ATF2: variants seen among roughly 807,000 people sequenced by gnomAD.
The protein encoded by ATF2 is activating transcription factor 2.
In ATF2, 24 loss-of-function variants were observed where a neutral mutation model predicts 60.6. That is an observed-to-expected ratio of 0.40 (90% confidence interval 0.29 to 0.56). The LOEUF is 0.56. Ranked by LOEUF, ATF2 falls within the 20% of genes least tolerant of loss-of-function variation. The pLI is 0.54. For synonymous variants in ATF2, 206 were observed against 215.4 expected, an observed-to-expected ratio of 0.96 and a Z score of 0.38; for missense variants, 433 against 607.7, an observed-to-expected ratio of 0.71 and a Z score of 3.02.
intron 10 of ATF2, among the ~76,000 whole-genome samples, chr2:175,106,999 C>G (rs763591076): frequency 1.3e-5 from 2 of 151,958 alleles, no homozygotes; most frequent in Non-Finnish European, 2.9e-5. Context: ...CAAAAAAATA[C>G]AAGTAGTCCC....
intron 4 of ATF2, among the ~76,000 whole-genome samples, chr2:175,128,676 AAG>A (rs1697519415): frequency 6.6e-6 from 1 of 152,112 alleles, no homozygotes; most frequent in Non-Finnish European, 1.5e-5. Flanking sequence ...CAACAACCAT[AAG>A]AGGAAAAAAA....
At chr2:175,095,260 G>A (rs1233979220) in intron 11 of ATF2, among the ~76,000 whole-genome samples, 1 of 151,902 alleles carries the variant, frequency 6.6e-6, no homozygotes, top group Non-Finnish European at 1.5e-5. Context: ...ACCACACCCA[G>A]CTTAATTTTT....
chr2:175,096,848 T>C (rs1424062299), intron 11 of ATF2, among the ~76,000 whole-genome samples: 1 of 152,236 alleles, frequency 6.6e-6, no homozygotes, highest in Admixed American at 6.5e-5. Flanking sequence ...TTATTGTCTA[T>C]AAAATTTACA....
intron 9 of ATF2, among the ~76,000 whole-genome samples, chr2:175,113,758 A>AC (rs1403904963): frequency 3.9e-5 from 6 of 152,068 alleles, no homozygotes; most frequent in African/African-American, 1.4e-4. Flanking sequence ...TCAAATTGAT[A>AC]TGGGTTGAAT....
At chr2:175,105,018 T>C (rs1314150107) in intron 10 of ATF2, among the ~76,000 whole-genome samples, 3 of 152,210 alleles carry the variant, frequency 2.0e-5, no homozygotes, top group African/African-American at 7.2e-5. Context: ...TTAAGAAAAC[T>C]ATGTATCACT....
At chr2:175,145,911 A>G (rs959796939) in intron 2 of ATF2, among the ~76,000 whole-genome samples, 1 of 152,224 alleles carries the variant, frequency 6.6e-6, no homozygotes, top group East Asian at 1.9e-4. Context: ...TGAACATTTG[A>G]TAAGAAATAG....
Position 175,080,653 on chromosome 2 carries a change from T to A in ATF2, c.1291+7A>T. 6.2e-7 allele frequency: 1 copy of A among 1,610,774 alleles called. No homozygotes were observed. Among genetic ancestry groups the A allele is most frequent in the Non-Finnish European group, 8.5e-7 (1 of 1,177,372 alleles). On this transcript the variant is annotated splice_region_variant and intron_variant, in intron 13 of 13. Transcript: ENST00000264110. ...CCTAAGGCTATAGGTAATGGAACAT[T>A]ACTCACTATGATAGCCAGATTTCTT...
At chr2:175,111,691 T>G (rs759929876) in intron 9 of ATF2, 37 bp from the exon 10 acceptor site, 1 of 1,545,320 alleles carries the variant, frequency 6.5e-7, no homozygotes, top group African/African-American at 1.4e-5. Flanking sequence ...TGCTAGAGAA[T>G]ATATTCAAAA....
At chr2:175,148,077 T>C (rs199897822) in intron 2 of ATF2, 3 of 147,362 alleles carry the variant, frequency 2.0e-5, no homozygotes, top group Non-Finnish European at 4.5e-5. Context: ...TTCTTACTGA[T>C]AAAAAAAAAA....
At chr2:175,138,718 C>G (rs1463373598) in intron 2 of ATF2, among the ~76,000 whole-genome samples, 1 of 152,242 alleles carries the variant, frequency 6.6e-6, no homozygotes, top group East Asian at 1.9e-4. Flanking sequence ...TCAAATAACA[C>G]TTCCTTTGTG....
At chr2:175,124,249 TGA>T (rs1697164756) in intron 4 of ATF2, among the ~76,000 whole-genome samples, 1 of 150,712 alleles carries the variant, frequency 6.6e-6, no homozygotes, top group African/African-American at 2.4e-5. Context: ...ACTAAGACCT[TGA>T]GTATATAGCT....
chr2:175,144,285 A>G (rs971687457), intron 2 of ATF2, among the ~76,000 whole-genome samples: 2 of 152,204 alleles, frequency 1.3e-5, no homozygotes, highest in African/African-American at 2.4e-5. Context: ...TTCGAGGTCA[A>G]AAATGGGACA....
At chr2:175,079,167 T>C (rs1693580968) in intron 13 of ATF2, among the ~76,000 whole-genome samples, 1 of 152,192 alleles carries the variant, frequency 6.6e-6, no homozygotes, top group South Asian at 2.1e-4. Context: ...TTGCATCTGC[T>C]GAGCATACAT....
chr2:175,093,292 T>A, intron 11 of ATF2, 25 bp from the exon 12 acceptor site: 1 of 1,603,712 alleles, frequency 6.2e-7, no homozygotes, highest in Middle Eastern at 1.7e-4. Flanking sequence ...GATGAAAGCC[T>A]GTTATATTTG....
chr2:175,074,694 G>A lies in ATF2; in HGVS notation c.1433C>T (p.Thr478Ile). Residue 478 changes from threonine to isoleucine, a missense_variant, in exon 14 of 14, where the codon ACC becomes ATC. Transcript: ENST00000264110. ...CTCTGTACTCTGGTCCGCCATCTGG[G>A]TGAGGACTGAAGTGGCTACAGCTTC... ...KAEAVATSVL[T>I]QMADQSTEPA... 3.7e-6 allele frequency: 6 copies of A among 1,613,448 alleles called. No homozygotes were observed. Among genetic ancestry groups the A allele is most frequent in the Non-Finnish European group, 5.1e-6 (6 of 1,179,686 alleles).
intron 10 of ATF2, among the ~76,000 whole-genome samples, chr2:175,099,361 C>G (rs905438697): frequency 6.6e-6 from 1 of 152,140 alleles, no homozygotes. Context: ...TCCTCGGCTC[C>G]TAAAGTTCTG....
chr2:175,117,856 G>A, intron 7 of ATF2, 134 bp downstream of exon 7: 1 of 970,772 alleles, frequency 1.0e-6, no homozygotes, highest in African/African-American at 1.7e-5. Flanking sequence ...TCTGAGTATT[G>A]ACAGGCTTTC....
intron 1 of ATF2, among the ~76,000 whole-genome samples, chr2:175,157,365 G>A (rs1699751196): frequency 6.6e-6 from 1 of 152,070 alleles, no homozygotes; most frequent in African/African-American, 2.4e-5. Context: ...ACACAGCCAC[G>A]CAGGGTGAGA....
At chr2:175,113,025 GAAT>G (rs1239039933) in intron 9 of ATF2, among the ~76,000 whole-genome samples, 1 of 149,420 alleles carries the variant, frequency 6.7e-6, no homozygotes, top group African/African-American at 2.5e-5. Context: ...TCCAGGGAGA[GAAT>G]AATAGAGAGA....
Sources: gnomAD v4.1 joint callset for allele counts (sites outside exome capture counted in the v4.1 genomes callset) on GRCh38, gnomAD v4.1.1 for gene constraint, MANE v1.5 for transcripts, NCBI Gene and HGNC (gene_info 2026-07-23, HGNC 2026-07-21) for gene names.